Variants in CPNE4 observed in about 807,000 individuals in gnomAD.
CPNE4 encodes the protein copine-4.
In CPNE4, 25 loss-of-function variants were observed where a neutral mutation model predicts 67.9. The observed-to-expected ratio is 0.37, with a 90% CI of 0.27 to 0.51. The LOEUF is 0.51. Ranked by LOEUF, CPNE4 falls within the 20% of genes least tolerant of loss-of-function variation. CPNE4 has a pLI of 0.93. For missense variants in CPNE4, 464 were observed against 690.8 expected (o/e 0.67, Z 3.68); for synonymous variants, 242 against 244.9 (o/e 0.99, Z 0.11).
upstream of CPNE4, chr3:132,037,688 G>A (rs2074363304): frequency 1.6e-6 from 2 of 1,260,302 alleles, no homozygotes; most frequent in Admixed American, 2.0e-5. Context: ...CTTCAGCTCT[G>A]GGTAGATTCA....
chr3:131,881,234 C>T (rs2087662260), intron 2 of CPNE4, among the ~76,000 whole-genome samples: 1 of 152,172 alleles, frequency 6.6e-6, no homozygotes. Context: ...TGAGTGATTG[C>T]TGCTTCTTTA....
At chr3:131,897,674 T>C (rs1308066060) in intron 2 of CPNE4, among the ~76,000 whole-genome samples, 1 of 152,064 alleles carries the variant, frequency 6.6e-6, no homozygotes, top group African/African-American at 2.4e-5. Flanking sequence ...GGCAGGAGGA[T>C]TGCTCAAGGC....
chr3:131,871,846 C>T (rs1347028409), intron 2 of CPNE4, among the ~76,000 whole-genome samples: 1 of 152,136 alleles, frequency 6.6e-6, no homozygotes, highest in African/African-American at 2.4e-5. Flanking sequence ...TTTTCATTGA[C>T]CAGCTCCTCC....
intron 2 of CPNE4, among the ~76,000 whole-genome samples, chr3:131,899,944 C>T (rs1056800268): frequency 4.6e-5 from 7 of 151,976 alleles, no homozygotes; most frequent in African/African-American, 1.7e-4. Context: ...AAGAAAATTC[C>T]ACAGCCCACT....
chr3:131,539,119 T>G lies in CPNE4; in HGVS notation c.1539+3438A>C, dbSNP rs764469406. 2.0e-5 allele frequency among the ~76,000 whole-genome samples: 3 copies of G among 152,208 alleles called. No homozygotes were observed. The East Asian group carries it at 5.8e-4, about 29-fold the overall frequency. ...TACCTTCCCTTTTATTTATGGCTTA[T>G]TGAATTCAAAGTAGATTAGTTTGGG... is the stretch of plus-strand genomic sequence containing the variant. On this transcript the variant is annotated intron_variant, in intron 15 of 15. Transcript: ENST00000429747.
intron 1 of CPNE4, among the ~76,000 whole-genome samples, chr3:131,981,930 T>A (rs1229377566): frequency 6.6e-6 from 1 of 152,172 alleles, no homozygotes; most frequent in Non-Finnish European, 1.5e-5. Flanking sequence ...TTTGGGGATG[T>A]CTCCCAGGTC....
At chr3:131,845,293 A>G (rs185505261) in intron 2 of CPNE4, among the ~76,000 whole-genome samples, 10 of 152,310 alleles carry the variant, frequency 6.6e-5, no homozygotes, top group East Asian at 5.8e-4. Flanking sequence ...ATCTCACTTA[A>G]TCTTCACAAC....
intron 1 of CPNE4, among the ~76,000 whole-genome samples, chr3:132,021,763 C>A (rs1440061009): frequency 6.6e-6 from 1 of 152,096 alleles, no homozygotes; most frequent in African/African-American, 2.4e-5. Flanking sequence ...CCTCCCCATT[C>A]ATAGAAGTTA....
chr3:131,872,956 T>C (rs1006304583), intron 2 of CPNE4, among the ~76,000 whole-genome samples: 3 of 152,214 alleles, frequency 2.0e-5, no homozygotes, highest in Non-Finnish European at 2.9e-5. Flanking sequence ...GTCTTAATTC[T>C]TCACCCACAG....
rs148209079 is a variant in CPNE4 at position 131,910,879 on chromosome 3, G to A, written c.-1-5435C>T. Among the ~76,000 whole-genome samples the A allele has an allele frequency of 7.4e-3, 1,125 of 152,222 alleles. 47 individuals carry two copies. The highest frequency in any genetic ancestry group is 0.064 in the Admixed American group (978 of 15,282). On this transcript the variant is annotated intron_variant, in intron 1 of 15. Transcript: ENST00000429747. ...TAACTTTGACCACAAAACCGTAAAT[G>A]TTCTTTTCATTAAAATCTCTTGAAT...
intron 7 of CPNE4, among the ~76,000 whole-genome samples, chr3:131,669,046 G>A (rs2080333047): frequency 6.6e-6 from 1 of 152,106 alleles, no homozygotes; most frequent in African/African-American, 2.4e-5. Context: ...GAGGTCTTAT[G>A]GGGCTCTGTT....
chr3:131,715,562 T>C (rs994027607), intron 3 of CPNE4, among the ~76,000 whole-genome samples: 1 of 152,168 alleles, frequency 6.6e-6, no homozygotes, highest in Non-Finnish European at 1.5e-5. Flanking sequence ...AGCTGTAAAA[T>C]GGTAATAATG....
intron 15 of CPNE4, among the ~76,000 whole-genome samples, chr3:131,539,305 C>T (rs1935347780): frequency 6.6e-6 from 1 of 152,192 alleles, no homozygotes; most frequent in Admixed American, 6.5e-5. Flanking sequence ...CCTGAGCATT[C>T]CTCTTGTTGA....
chr3:131,698,528 T>C (rs1168524120), intron 4 of CPNE4, among the ~76,000 whole-genome samples: 1 of 151,574 alleles, frequency 6.6e-6, no homozygotes, highest in Admixed American at 6.6e-5. Context: ...ATTTAAAATA[T>C]TCAAGCAACA....
At chr3:131,630,976 G>A (rs2079205879) in intron 7 of CPNE4, among the ~76,000 whole-genome samples, 1 of 152,168 alleles carries the variant, frequency 6.6e-6, no homozygotes, top group Non-Finnish European at 1.5e-5. Flanking sequence ...TCAGCTTCGA[G>A]AGAAGTCTGA....
chr3:131,772,519 T>G (rs1176892752), intron 2 of CPNE4, among the ~76,000 whole-genome samples: 2 of 152,060 alleles, frequency 1.3e-5, no homozygotes, highest in Admixed American at 1.3e-4. Context: ...TATATGCATC[T>G]CCTCGAGCTG....
intron 7 of CPNE4, among the ~76,000 whole-genome samples, chr3:131,624,887 G>C (rs2079031750): frequency 6.6e-6 from 1 of 152,148 alleles, no homozygotes; most frequent in Non-Finnish European, 1.5e-5. Flanking sequence ...TATCATTGTT[G>C]CCTTGACCCC....
chr3:131,934,076 G>A (rs1012493233), intron 1 of CPNE4, among the ~76,000 whole-genome samples: 18 of 152,120 alleles, frequency 1.2e-4, no homozygotes, highest in African/African-American at 4.3e-4. Flanking sequence ...TTCTGAGAAG[G>A]GAGGCACTGC....
intron 2 of CPNE4, among the ~76,000 whole-genome samples, chr3:131,742,885 C>T (rs2082390986): frequency 6.6e-6 from 1 of 151,956 alleles, no homozygotes. Context: ...AAAGTATAGC[C>T]TTAAATGCCT....
Sources: allele counts gnomAD v4.1 joint callset (sites outside exome capture counted in the v4.1 genomes callset), GRCh38; gene constraint gnomAD v4.1.1; transcripts MANE v1.5; gene names NCBI Gene and HGNC (gene_info 2026-07-23, HGNC 2026-07-21).